Variants in SERPINI2 observed in about 807,000 individuals in gnomAD.
The protein encoded by SERPINI2 is serpin I2.
A neutral mutation model predicts 47.3 loss-of-function variants in SERPINI2; 48 were observed. That is an observed-to-expected ratio of 1.02 (90% CI 0.81 to 1.29). The LOEUF is 1.29. Ranked by LOEUF, SERPINI2 falls within the 50% of genes most tolerant of loss-of-function variation. SERPINI2 has a pLI of 0.00. For missense variants in SERPINI2, 448 were observed against 456.9 expected, an observed-to-expected ratio of 0.98 and a Z score of 0.18; for synonymous variants, 135 against 149.3, an observed-to-expected ratio of 0.90 and a Z score of 0.70.
chr3:167,451,970 G>A (rs1749653040), intron 6 of SERPINI2, among the ~76,000 whole-genome samples: 1 of 152,126 alleles, frequency 6.6e-6, no homozygotes, highest in African/African-American at 2.4e-5. Flanking sequence ...GTGTGAGAAC[G>A]AGTAGCTACA....
At chr3:167,450,591 G>C (rs1391265099) in intron 6 of SERPINI2, among the ~76,000 whole-genome samples, 1 of 152,184 alleles carries the variant, frequency 6.6e-6, no homozygotes, top group Non-Finnish European at 1.5e-5. Context: ...AGTATGTCTA[G>C]TGATAGAAAC....
intron 7 of SERPINI2, chr3:167,447,147 A>G (rs1749502997): frequency 6.6e-6 from 1 of 152,200 alleles, no homozygotes; most frequent in Non-Finnish European, 1.5e-5. Context: ...TTTATGCTTA[A>G]TTCAGATACT....
upstream of SERPINI2, among the ~76,000 whole-genome samples, chr3:167,476,885 C>T (rs1012785290): frequency 6.6e-6 from 1 of 151,908 alleles, no homozygotes; most frequent in African/African-American, 2.4e-5. Flanking sequence ...ATTTGGTACC[C>T]GCATTCTACT....
chr3:167,459,098 G>A (rs1277919056), intron 5 of SERPINI2, among the ~76,000 whole-genome samples: 3 of 143,642 alleles, frequency 2.1e-5, no homozygotes, highest in South Asian at 2.1e-4. Flanking sequence ...TTTTTGAGAC[G>A]GAGTCTCGCT....
intron 6 of SERPINI2, among the ~76,000 whole-genome samples, chr3:167,452,187 T>G (rs1285240794): frequency 6.6e-6 from 1 of 152,162 alleles, no homozygotes; most frequent in Non-Finnish European, 1.5e-5. Flanking sequence ...TACAACCCCA[T>G]CAGACAGACA....
chr3:167,467,358 A>G, intron 2 of SERPINI2, 73 bp from the exon 3 acceptor site: 1 of 1,037,498 alleles, frequency 9.6e-7, no homozygotes, highest in South Asian at 1.6e-5. Flanking sequence ...TTTGCTATCT[A>G]AGTACTCTGA....
At chr3:167,460,804 G>A (rs1022362980) in intron 5 of SERPINI2, among the ~76,000 whole-genome samples, 1 of 152,080 alleles carries the variant, frequency 6.6e-6, no homozygotes, top group Non-Finnish European at 1.5e-5. Flanking sequence ...TAAATAAAGA[G>A]AAATAATATA....
At chr3:167,468,702 A>C (rs1245060494) in intron 2 of SERPINI2, among the ~76,000 whole-genome samples, 1 of 152,196 alleles carries the variant, frequency 6.6e-6, no homozygotes, top group Non-Finnish European at 1.5e-5. Context: ...AAGGGAAGAA[A>C]GTTAAGCCAT....
exon 9 of SERPINI2, chr3:167,442,159 T>C: frequency 1.2e-6 from 2 of 1,601,056 alleles, no homozygotes; most frequent in South Asian, 1.1e-5. Flanking sequence ...TCAGGATTTG[T>C]CACTCTTCCC....
intron 1 of SERPINI2, among the ~76,000 whole-genome samples, chr3:167,472,371 G>C (rs546877161): frequency 6.6e-6 from 1 of 151,972 alleles, no homozygotes; most frequent in Non-Finnish European, 1.5e-5. Flanking sequence ...TTTTCCTCAC[G>C]CTTTATTTCT....
Position 167,471,115 on chromosome 3 carries a change from A to G in SERPINI2, c.247+473T>C, listed in dbSNP as rs373908328. 2.0e-5 allele frequency among the ~76,000 whole-genome samples: 3 copies of G among 152,298 alleles called. No individual in the cohort carries two copies. In the East Asian group the frequency reaches 5.8e-4, roughly 29 times the overall value. On this transcript the variant is annotated intron_variant, in intron 2 of 8. Transcript: ENST00000264677. ...ATGTTGGAAACAACCTACTGAAGAA[A>G]GGCTAAGTAAGTAATGGTACTTCTA...
chr3:167,465,209 G>C (rs1750098327), exon 5 of SERPINI2: 6 of 1,607,102 alleles, frequency 3.7e-6, no homozygotes, highest in Non-Finnish European at 5.1e-6. Context: ...CACCAACCTA[G>C]GGAGGCTTAT....
At chr3:167,453,203 C>T (rs76297944) in intron 5 of SERPINI2, among the ~76,000 whole-genome samples, 170 bp from the exon 6 acceptor site, 8,120 of 152,232 alleles carry the variant, frequency 0.053, 697 homozygotes, top group African/African-American at 0.18. Context: ...CAACAATCAG[C>T]TCTGGGTTGC....
intron 2 of SERPINI2, among the ~76,000 whole-genome samples, chr3:167,468,309 A>ATG (rs139032950): frequency 2.2e-4 from 33 of 151,016 alleles, no homozygotes; most frequent in Non-Finnish European, 4.1e-4. Context: ...AATAAGGAGG[A>ATG]TGTGTGTGTG....
At chr3:167,457,335 C>T (rs953389903) in intron 5 of SERPINI2, among the ~76,000 whole-genome samples, 3 of 152,200 alleles carry the variant, frequency 2.0e-5, no homozygotes, top group Non-Finnish European at 1.5e-5. Flanking sequence ...TCTAGAAGTC[C>T]ATGGTGCCCA....
At chr3:167,452,047 GT>G (rs956629050) in intron 6 of SERPINI2, among the ~76,000 whole-genome samples, 63 of 152,274 alleles carry the variant, frequency 4.1e-4, no homozygotes, top group African/African-American at 1.5e-3. Flanking sequence ...CACCAGGAAA[GT>G]TTTTCATTCT....
intron 1 of SERPINI2, among the ~76,000 whole-genome samples, chr3:167,472,697 A>T (rs1433213564): frequency 6.6e-6 from 1 of 151,914 alleles, no homozygotes; most frequent in Admixed American, 6.6e-5. Context: ...AGCAGCAATT[A>T]AAAACCATAA....
At chr3:167,475,824 T>C (rs1750468166), upstream of SERPINI2, among the ~76,000 whole-genome samples, 5 of 151,632 alleles carry the variant, frequency 3.3e-5, 1 homozygote, top group Admixed American at 3.3e-4. Flanking sequence ...TAGGAATATA[T>C]ATAAAAACCA....
At chr3:167,444,669 G>A (rs556234020) in intron 8 of SERPINI2, among the ~76,000 whole-genome samples, 1 of 152,196 alleles carries the variant, frequency 6.6e-6, no homozygotes, top group South Asian at 2.1e-4. Context: ...CCTGATAAAT[G>A]AGCGGCCATT....
Sources: allele counts gnomAD v4.1 joint callset (sites outside exome capture counted in the v4.1 genomes callset), GRCh38; gene constraint gnomAD v4.1.1; transcripts MANE v1.5; gene names NCBI Gene and HGNC (gene_info 2026-07-23, HGNC 2026-07-21).